The following RIMS2 variants were observed in gnomAD, a reference collection of about 807,000 sequenced individuals.
RIMS2 encodes the protein regulating synaptic membrane exocytosis 2.
Under a neutral mutation model 174.4 loss-of-function variants are expected in RIMS2, and 59 were observed. That is an observed-to-expected ratio of 0.34 (90% CI 0.27 to 0.42). The LOEUF (loss-of-function observed/expected upper bound fraction) is 0.42, where lower values mean the gene tolerates loss of function less well. Among genes scored for constraint, RIMS2 ranks in the 10% least tolerant of loss-of-function variants. RIMS2 has a pLI of 1.00. For synonymous variants in RIMS2, 606 were observed against 572.5 expected (o/e 1.06, Z -0.84); for missense variants, 1,620 against 1,666.3 (o/e 0.97, Z 0.48).
intron 3 of RIMS2, among the ~76,000 whole-genome samples, chr8:103,861,768 T>C (rs2099060208): frequency 1.3e-5 from 2 of 152,124 alleles, no homozygotes; most frequent in African/African-American, 4.8e-5. Flanking sequence ...TGGCTGCTTA[T>C]ATGTTTCTCT....
intron 3 of RIMS2, among the ~76,000 whole-genome samples, chr8:103,832,850 T>C (rs572852761): frequency 4.5e-4 from 69 of 152,360 alleles, no homozygotes; most frequent in South Asian, 1.0e-3. Flanking sequence ...AGTGTTTATA[T>C]TGTGCAAATT....
At chr8:103,735,180 A>G (rs896773819) in intron 2 of RIMS2, among the ~76,000 whole-genome samples, 22 of 152,016 alleles carry the variant, frequency 1.4e-4, no homozygotes, top group African/African-American at 4.8e-4. Context: ...CTCCTCAAAG[A>G]GCCTTGTTAT....
chr8:104,193,845 A>G (rs2136508943), intron 19 of RIMS2, among the ~76,000 whole-genome samples: 1 of 152,264 alleles, frequency 6.6e-6, no homozygotes, highest in East Asian at 1.9e-4. Context: ...TTCTATCTTT[A>G]TCCTTTTGGT....
At chr8:103,699,099 C>T (rs1490220219) in intron 2 of RIMS2, among the ~76,000 whole-genome samples, 2 of 152,200 alleles carry the variant, frequency 1.3e-5, no homozygotes, top group African/African-American at 4.8e-5. Context: ...TCTAGTTCCT[C>T]ATAAATAGCT....
At chr8:103,820,612 T>C (rs1309029447) in intron 3 of RIMS2, among the ~76,000 whole-genome samples, 1 of 151,926 alleles carries the variant, frequency 6.6e-6, no homozygotes, top group African/African-American at 2.4e-5. Flanking sequence ...AAAAAAAGGC[T>C]TTTAAAATTT....
intron 1 of RIMS2, among the ~76,000 whole-genome samples, chr8:103,526,163 C>T (rs377555517): frequency 1.5e-4 from 23 of 152,272 alleles, no homozygotes; most frequent in African/African-American, 5.1e-4. Flanking sequence ...CCTGCTAAAT[C>T]CCCCAGGCTT....
chr8:103,528,962 A>T (rs1835514571), intron 1 of RIMS2, among the ~76,000 whole-genome samples: 4 of 152,154 alleles, frequency 2.6e-5, no homozygotes, highest in Admixed American at 2.6e-4. Flanking sequence ...GATGGCATTG[A>T]ATCTATAAAT....
chr8:103,608,896 C>A (rs540610749), intron 1 of RIMS2, among the ~76,000 whole-genome samples: 1 of 152,224 alleles, frequency 6.6e-6, no homozygotes, highest in South Asian at 2.1e-4. Flanking sequence ...CTGTCTGGCA[C>A]TCCCTAGTGA....
intron 12 of RIMS2, among the ~76,000 whole-genome samples, chr8:103,934,922 T>C (rs2080902110): frequency 6.6e-6 from 1 of 151,932 alleles, no homozygotes; most frequent in Non-Finnish European, 1.5e-5. Context: ...TGATCTCGAG[T>C]TCTTGACCTC....
At chr8:104,193,117 G>A (rs1045936652) in intron 19 of RIMS2, among the ~76,000 whole-genome samples, 1 of 149,144 alleles carries the variant, frequency 6.7e-6, no homozygotes. Context: ...CTGTTAGAAT[G>A]GTTATTCTAA....
chr8:104,230,422 G>T (rs1283587851), intron 19 of RIMS2, among the ~76,000 whole-genome samples: 1 of 152,130 alleles, frequency 6.6e-6, no homozygotes, highest in African/African-American at 2.4e-5. Flanking sequence ...GAGCCAGGTG[G>T]ATCGCCTGAG....
intron 11 of RIMS2, chr8:103,927,956 A>G (rs909232488): frequency 1.5e-6 from 2 of 1,329,868 alleles, no homozygotes; most frequent in African/African-American, 3.0e-5. Context: ...TTTTTGGAAA[A>G]TGCGTTAGTA....
intron 16 of RIMS2, among the ~76,000 whole-genome samples, chr8:103,986,965 T>G (rs887652826): frequency 1.3e-5 from 2 of 151,642 alleles, no homozygotes; most frequent in African/African-American, 4.8e-5. Flanking sequence ...CTTCCCGCCA[T>G]CCACCCATAA....
intron 1 of RIMS2, among the ~76,000 whole-genome samples, chr8:103,643,679 T>G (rs2096272741): frequency 6.6e-6 from 1 of 152,094 alleles, no homozygotes; most frequent in Non-Finnish European, 1.5e-5. Flanking sequence ...CTAAATAGTT[T>G]CTGAGGATTG....
chr8:103,647,676 T>C (rs1196863372), intron 1 of RIMS2, among the ~76,000 whole-genome samples: 1 of 152,004 alleles, frequency 6.6e-6, no homozygotes, highest in East Asian at 1.9e-4. Flanking sequence ...CCAGATATTA[T>C]TTGTTTCTTA....
intron 19 of RIMS2, 147 bp downstream of exon 21, chr8:104,014,762 T>C (rs2095857138): frequency 2.4e-6 from 1 of 422,406 alleles, no homozygotes; most frequent in South Asian, 7.5e-5. Context: ...TTTATAAATA[T>C]TATGTATTTT....
intron 19 of RIMS2, among the ~76,000 whole-genome samples, chr8:104,093,246 G>A (rs1341496502): frequency 6.6e-6 from 1 of 151,968 alleles, no homozygotes; most frequent in Admixed American, 6.6e-5. Flanking sequence ...GCCTTCACTG[G>A]GGTGTGGTAA....
chr8:103,529,431 G>A (rs538172449), intron 1 of RIMS2, among the ~76,000 whole-genome samples: 10 of 152,308 alleles, frequency 6.6e-5, no homozygotes, highest in East Asian at 5.8e-4. Flanking sequence ...CGAGCCATGC[G>A]CGGGATATAA....
At position 103,505,966 on chromosome 8, in the gene RIMS2, C is replaced by T. The variant is rs192013459; in HGVS notation, c.176+4904C>T. Among the ~76,000 whole-genome samples the T allele has an allele frequency of 2.1e-3, 325 of 151,930 alleles. 1 individual carries two copies. The highest frequency in any genetic ancestry group is 3.6e-3 in the Non-Finnish European group (242 of 67,904). ...TTGTTTATGCCTTTTTTACTGGTCA[C>T]GATTTAAAAAAATTGAATTTATTGT... On this transcript the variant is annotated intron_variant, in intron 1 of 23. Transcript: ENST00000504942.
Sources: gnomAD v4.1 joint callset for allele counts (sites outside exome capture counted in the v4.1 genomes callset) on GRCh38, gnomAD v4.1.1 for gene constraint, MANE v1.5 for transcripts, NCBI Gene and HGNC (gene_info 2026-07-23, HGNC 2026-07-21) for gene names.